Variants in CACNB2 observed in about 807,000 individuals in gnomAD.
CACNB2 encodes the protein voltage-dependent L-type calcium channel subunit beta-2.
Under a neutral mutation model 73.3 loss-of-function variants are expected in CACNB2, and 42 were observed. The observed-to-expected ratio is 0.57, with a 90% CI of 0.45 to 0.74. CACNB2 has a LOEUF of 0.74. CACNB2 is among the 30% of genes least tolerant of loss of function. The pLI, the probability that CACNB2 is intolerant of heterozygous loss-of-function variation, is 0.00. For missense variants in CACNB2, 940 were observed against 853.0 expected (o/e 1.10, Z -1.27); for synonymous variants, 348 against 310.3 (o/e 1.12, Z -1.28).
intron 10 of CACNB2, among the ~76,000 whole-genome samples, chr10:18,532,827 G>C (rs1335411420): frequency 6.6e-6 from 1 of 151,860 alleles, no homozygotes; most frequent in African/African-American, 2.4e-5. Context: ...ATGAAACAAA[G>C]ATGAAAATCT....
At chr10:18,300,681 T>A (rs2039472745) in intron 2 of CACNB2, among the ~76,000 whole-genome samples, 1 of 152,032 alleles carries the variant, frequency 6.6e-6, no homozygotes, top group African/African-American at 2.4e-5. Context: ...AAACCCCATC[T>A]CTACTAAAAA....
intron 3 of CACNB2, among the ~76,000 whole-genome samples, chr10:18,425,731 C>A (rs1386268906): frequency 6.6e-6 from 1 of 152,152 alleles, no homozygotes; most frequent in African/African-American, 2.4e-5. Flanking sequence ...ATAAAGAATT[C>A]TTCTATCTTT....
intron 2 of CACNB2, among the ~76,000 whole-genome samples, chr10:18,312,423 T>A (rs1052788021): frequency 2.6e-5 from 4 of 152,244 alleles, no homozygotes; most frequent in African/African-American, 7.2e-5. Context: ...TTTTCTGGAC[T>A]TGCCCACAAA....
At chr10:18,346,065 A>G (rs2041438508) in intron 2 of CACNB2, among the ~76,000 whole-genome samples, 1 of 152,126 alleles carries the variant, frequency 6.6e-6, no homozygotes, top group Non-Finnish European at 1.5e-5. Flanking sequence ...GTGCCTTTGT[A>G]GCTTCCTGCA....
intron 4 of CACNB2, 171 bp downstream of exon 4, chr10:18,498,648 T>C (rs555478010): frequency 1.5e-5 from 10 of 688,254 alleles, no homozygotes; most frequent in East Asian, 1.1e-4. Context: ...AAATATACCT[T>C]TTAAAGTGGA....
chr10:18,416,169 T>A (rs1442368589), intron 3 of CACNB2, among the ~76,000 whole-genome samples: 1 of 152,090 alleles, frequency 6.6e-6, no homozygotes, highest in African/African-American at 2.4e-5. Flanking sequence ...CTCACCCTTT[T>A]CAGTCTGTTA....
At chr10:18,295,341 C>A (rs1475758811) in intron 2 of CACNB2, among the ~76,000 whole-genome samples, 1 of 152,146 alleles carries the variant, frequency 6.6e-6, no homozygotes, top group Non-Finnish European at 1.5e-5. Flanking sequence ...ACTGCATAGA[C>A]CCCTAATGGC....
intron 2 of CACNB2, among the ~76,000 whole-genome samples, chr10:18,360,195 T>G (rs1054015628): frequency 6.6e-6 from 1 of 152,152 alleles, no homozygotes; most frequent in Non-Finnish European, 1.5e-5. Flanking sequence ...CTCTCCTATA[T>G]AAAGGAGGAA....
In CACNB2 at chr10:18,539,291, A is replaced by C. The variant is rs370018033; in HGVS notation, c.1550A>C (p.Glu517Ala). Reference sequence around the variant, plus strand: ...CCTATCCGTTCTGCTTCCCAAGCTGAAGAAGAACCTAGTGTGGAACCAGTC... The same window carrying C: ...CCTATCCGTTCTGCTTCCCAAGCTGCAGAAGAACCTAGTGTGGAACCAGTC... ...SAPIRSASQAEEEPSVEPVKK... is the reference protein window; with the variant it reads ...SAPIRSASQAAEEPSVEPVKK... The change falls in exon 14 of 14, where the codon GAA becomes GCA. Residue 517 changes from glutamate (E) to alanine (A), a missense_variant. By Grantham distance (107) the Glu-to-Ala change is moderately radical (BLOSUM62 -1). Coordinates refer to ENST00000324631, the MANE Select transcript of CACNB2 (RefSeq NM_201596.3). 1.9e-6 allele frequency: 3 copies of C among 1,613,972 alleles called. No individual in the cohort carries two copies. The highest frequency in any genetic ancestry group is 2.5e-6 in the Non-Finnish European group (3 of 1,179,972).
intron 12 of CACNB2, 108 bp from the exon 13 acceptor site, chr10:18,538,072 C>G (rs1024652046): frequency 1.3e-5 from 13 of 1,006,016 alleles, no homozygotes; most frequent in Non-Finnish European, 1.9e-5. Context: ...GAAGCAGGAG[C>G]AAGTACAAAG....
intron 2 of CACNB2, among the ~76,000 whole-genome samples, chr10:18,398,667 T>TCA (rs755907676): frequency 0.1 from 13,562 of 132,270 alleles, 698 homozygotes; most frequent in South Asian, 0.15. Context: ...AGTGAGACTG[T>TCA]CACACACACA....
intron 3 of CACNB2, among the ~76,000 whole-genome samples, chr10:18,402,683 A>G (rs1245083125): frequency 3.3e-5 from 5 of 152,200 alleles, no homozygotes; most frequent in Non-Finnish European, 7.3e-5. Flanking sequence ...GCCATGTCTC[A>G]TTTCAGTCAT....
chr10:18,276,283 C>T (rs1170676005), intron 2 of CACNB2, among the ~76,000 whole-genome samples: 7 of 152,290 alleles, frequency 4.6e-5, no homozygotes, highest in Non-Finnish European at 8.8e-5. Flanking sequence ...AAACGTCAAT[C>T]GTGTACTTGC....
At chr10:18,202,238 A>G (rs1264468135) in intron 2 of CACNB2, among the ~76,000 whole-genome samples, 1 of 152,206 alleles carries the variant, frequency 6.6e-6, no homozygotes, top group Non-Finnish European at 1.5e-5. Flanking sequence ...ATTGCTGGAG[A>G]TAACCCTATT....
intron 3 of CACNB2, among the ~76,000 whole-genome samples, chr10:18,460,277 TA>T (rs2047498703): frequency 6.6e-6 from 1 of 152,130 alleles, no homozygotes; most frequent in African/African-American, 2.4e-5. Flanking sequence ...GATTATCTTC[TA>T]GCCCAATGTA....
intron 2 of CACNB2, among the ~76,000 whole-genome samples, chr10:18,220,672 G>C (rs544279750): frequency 1.3e-5 from 2 of 152,032 alleles, no homozygotes; most frequent in Non-Finnish European, 2.9e-5. Context: ...GTAGGTGAGC[G>C]CCTGGCAAGC....
chr10:18,184,066 C>T (rs1472865972), intron 2 of CACNB2, among the ~76,000 whole-genome samples: 1 of 152,198 alleles, frequency 6.6e-6, no homozygotes, highest in Non-Finnish European at 1.5e-5. Context: ...CTCTTATTAA[C>T]AGAACTTGCT....
chr10:18,262,229 C>T (rs113239324), intron 2 of CACNB2, among the ~76,000 whole-genome samples: 6 of 132,452 alleles, frequency 4.5e-5, no homozygotes, highest in African/African-American at 1.7e-4. Flanking sequence ...AAATTGGCCA[C>T]AGAAAAGAGA....
At chr10:18,148,350 G>A (rs1369900639) in intron 1 of CACNB2, among the ~76,000 whole-genome samples, 1 of 152,018 alleles carries the variant, frequency 6.6e-6, no homozygotes, top group African/African-American at 2.4e-5. Context: ...ATAGTTGTTT[G>A]GTGTATAAAC....
Sources: allele counts gnomAD v4.1 joint callset (sites outside exome capture counted in the v4.1 genomes callset), GRCh38; gene constraint gnomAD v4.1.1; transcripts MANE v1.5; gene names NCBI Gene and HGNC (gene_info 2026-07-23, HGNC 2026-07-21).